The following RFT1 variants were observed in gnomAD, a reference collection of about 807,000 sequenced individuals.
RFT1 encodes man(5)GlcNAc(2)-PP-dolichol translocation protein RFT1.
Under a neutral mutation model 62.2 loss-of-function variants are expected in RFT1, and 43 were observed. That is an observed-to-expected ratio of 0.69 (90% CI 0.54 to 0.89). The LOEUF (loss-of-function observed/expected upper bound fraction) is 0.89. Among genes scored for constraint, RFT1 ranks in the 40% least tolerant of loss-of-function variants. The pLI, the probability that RFT1 is intolerant of heterozygous loss-of-function variation, is 0.00. For synonymous variants in RFT1, 262 were observed against 264.6 expected, an observed-to-expected ratio of 0.99 and a Z score of 0.10; for missense variants, 605 against 649.9, an observed-to-expected ratio of 0.93 and a Z score of 0.75.
intron 5 of RFT1, 85 bp from the exon 6 acceptor site, chr3:53,120,106 A>C (rs1443347346): frequency 2.7e-6 from 3 of 1,128,030 alleles, no homozygotes; most frequent in Admixed American, 2.7e-5. Flanking sequence ...CAAGTAATAG[A>C]ACTCTCTTGA....
intron 1 of RFT1, among the ~76,000 whole-genome samples, chr3:53,129,692 T>G (rs191668299): frequency 5.1e-4 from 78 of 152,298 alleles, no homozygotes; most frequent in African/African-American, 1.7e-3. Context: ...AAGTGACTTG[T>G]CCAAGATCAC....
intron 8 of RFT1, among the ~76,000 whole-genome samples, chr3:53,106,200 T>A (rs1334120734): frequency 6.6e-6 from 1 of 151,856 alleles, no homozygotes; most frequent in African/African-American, 2.4e-5. Flanking sequence ...ACCACTGCAC[T>A]CCAGCCTGGG....
chr3:53,120,064 A>C (rs1311807024), intron 5 of RFT1, 43 bp from the exon 6 acceptor site: 2 of 1,517,380 alleles, frequency 1.3e-6, no homozygotes, highest in Admixed American at 4.1e-5. Flanking sequence ...CATAATTAAG[A>C]TATGCCTATA....
intron 10 of RFT1, chr3:53,103,680 G>T (rs1701379408): frequency 2.2e-6 from 1 of 448,312 alleles, no homozygotes; most frequent in South Asian, 2.1e-5. Context: ...ACACATTCTA[G>T]GCCCGAGAGG....
intron 7 of RFT1, among the ~76,000 whole-genome samples, chr3:53,108,240 A>G (rs9845484): frequency 0.26 from 39,494 of 150,540 alleles, 5,576 homozygotes; most frequent in Middle Eastern, 0.39. Flanking sequence ...TTTTTAGTAG[A>G]TGGGTTTCAC....
the RFT1 span, among the ~76,000 whole-genome samples, chr3:53,069,246 A>T: frequency 1.3e-5 from 2 of 152,092 alleles, no homozygotes; most frequent in Non-Finnish European, 2.9e-5. Flanking sequence ...AGACTGTGTT[A>T]GGTGACTTTG....
intron 10 of RFT1, among the ~76,000 whole-genome samples, chr3:53,102,191 G>A (rs1001164298): frequency 2.4e-4 from 36 of 152,230 alleles, no homozygotes; most frequent in African/African-American, 7.2e-4. Flanking sequence ...GGAACGCCAG[G>A]ATGCCAGCAA....
At chr3:53,072,830 G>C in the RFT1 span, among the ~76,000 whole-genome samples, 3 of 152,242 alleles carry the variant, frequency 2.0e-5, no homozygotes, top group East Asian at 1.9e-4. Context: ...ACACACAGGA[G>C]GGTCCTGCCC....
In RFT1 at chr3:53,122,450, C is replaced by T. The variant is rs1346660765; in HGVS notation, c.380G>A (p.Gly127Asp). ...TAGAAGCTCCACCACTGCCGAGAGA[C>T]CAAACAGCACCACTCCAGTTGCATA... The part of the protein sequence containing the change: ...PHYATGVVLF[G>D]LSAVVELLGE... Residue 127 changes from glycine (G) to aspartate (D), a missense_variant, in exon 4 of 13, where the codon GGT becomes GAT. Transcript: ENST00000296292. 2 of 1,614,070 alleles carry T rather than the reference C, an allele frequency of 1.2e-6. No individual in the cohort carries two copies. Among genetic ancestry groups the T allele is most frequent in the South Asian group, 2.2e-5 (2 of 91,072 alleles).
chr3:53,075,703 A>C, the RFT1 span, among the ~76,000 whole-genome samples: 1 of 152,220 alleles, frequency 6.6e-6, no homozygotes, highest in South Asian at 2.1e-4. Flanking sequence ...CCCCAGCATC[A>C]TCTTAACCTT....
chr3:53,111,922 C>T lies in RFT1; in HGVS notation c.697-14G>A. ...GTTTATAAACGCCTAGAAGAGAAAACAAAACAAAACAAAAACATCACAGGC... is the reference window on the plus strand; with the variant it reads ...GTTTATAAACGCCTAGAAGAGAAAATAAAACAAAACAAAAACATCACAGGC... On this transcript the variant is annotated splice_polypyrimidine_tract_variant and intron_variant, in intron 6 of 12. Transcript: ENST00000296292. 6.3e-7 allele frequency: 1 copy of T among 1,595,190 alleles called. No homozygotes were observed. The highest frequency in any genetic ancestry group is 1.1e-5 in the South Asian group (1 of 90,710).
At chr3:53,128,176 T>C (rs1405513537) in intron 1 of RFT1, among the ~76,000 whole-genome samples, 2 of 152,002 alleles carry the variant, frequency 1.3e-5, no homozygotes, top group South Asian at 4.2e-4. Flanking sequence ...CAGGTACCTG[T>C]AATCCCAGCT....
downstream of RFT1, among the ~76,000 whole-genome samples, chr3:53,086,451 A>G (rs1276499789): frequency 3.3e-5 from 5 of 151,908 alleles, no homozygotes; most frequent in Non-Finnish European, 7.4e-5. Flanking sequence ...GAGTAGCTGG[A>G]ATTACAGGCA....
chr3:53,078,894 C>A, the RFT1 span, among the ~76,000 whole-genome samples: 330 of 152,348 alleles, frequency 2.2e-3, 2 homozygotes, highest in African/African-American at 7.0e-3. Flanking sequence ...TTTTCCTTGG[C>A]CCCACAATGG....
intron 10 of RFT1, among the ~76,000 whole-genome samples, chr3:53,100,390 T>C (rs1306034851): frequency 6.6e-6 from 1 of 152,120 alleles, no homozygotes; most frequent in African/African-American, 2.4e-5. Context: ...CCTAATAAAA[T>C]AAACAAACAC....
At chr3:53,076,298 AC>A in the RFT1 span, among the ~76,000 whole-genome samples, 1 of 152,144 alleles carries the variant, frequency 6.6e-6, no homozygotes, top group African/African-American at 2.4e-5. Flanking sequence ...GCAGGGGCAA[AC>A]GGATAGGTTG....
At chr3:53,081,024 G>A in the RFT1 span, among the ~76,000 whole-genome samples, 1 of 152,236 alleles carries the variant, frequency 6.6e-6, no homozygotes, top group Non-Finnish European at 1.5e-5. Flanking sequence ...AGCAGCCTAG[G>A]GGGGTCATAA....
downstream of RFT1, among the ~76,000 whole-genome samples, chr3:53,084,136 G>C (rs1437919684): frequency 6.6e-6 from 1 of 152,240 alleles, no homozygotes; most frequent in Non-Finnish European, 1.5e-5. Flanking sequence ...AGATAAGAGT[G>C]TGCTCCAAGG....
intron 7 of RFT1, among the ~76,000 whole-genome samples, chr3:53,110,094 T>C (rs1452031167): frequency 1.3e-5 from 2 of 152,174 alleles, no homozygotes; most frequent in African/African-American, 4.8e-5. Flanking sequence ...TGCAAAGACA[T>C]GTCTAGAGAC....
Sources: gnomAD v4.1 joint callset for allele counts (sites outside exome capture counted in the v4.1 genomes callset) on GRCh38, gnomAD v4.1.1 for gene constraint, MANE v1.5 for transcripts, NCBI Gene and HGNC (gene_info 2026-07-23, HGNC 2026-07-21) for gene names.